The following DMD variants were observed in gnomAD, a reference collection of about 807,000 sequenced individuals.
The protein encoded by DMD is dystrophin, also known as mutant dystrophin.
Under a neutral mutation model 330.1 loss-of-function variants are expected in DMD, and 63 were observed. That is an observed-to-expected ratio of 0.19 (90% CI 0.16 to 0.24). DMD has a LOEUF of 0.24. Among genes scored for constraint, DMD ranks in the 10% least tolerant of loss-of-function variants. The probability of loss-of-function intolerance (pLI) is 1.00; values close to 1 mark genes in which losing one functional copy is unlikely to be tolerated. For synonymous variants in DMD, 1,223 were observed against 959.8 expected (o/e 1.27, Z -5.07); for missense variants, 3,344 against 2,684.1 (o/e 1.25, Z -5.43).
At chrX:33,307,646 G>A (rs961185694) in intron 1 of DMD, among the ~76,000 whole-genome samples, 6 of 111,542 alleles carry the variant, frequency 5.4e-5, no homozygotes, top group African/African-American at 1.6e-4. Context: ...TGAGCCATGC[G>A]CCACTGCACT....
chrX:32,674,702 T>C (rs151235493), intron 9 of DMD, among the ~76,000 whole-genome samples: 1,197 of 111,329 alleles, frequency 0.011, 11 homozygotes, highest in African/African-American at 0.036. Flanking sequence ...TAAAGATATA[T>C]TCTTTACATT....
chrX:32,767,853 T>C (rs2073168840), intron 7 of DMD, among the ~76,000 whole-genome samples: 1 of 111,891 alleles, frequency 8.9e-6, no homozygotes, highest in Non-Finnish European at 1.9e-5. Context: ...TGCTCATCTA[T>C]ATATATACAC....
intron 37 of DMD, among the ~76,000 whole-genome samples, chrX:32,351,757 G>C (rs2097782511): frequency 9.0e-6 from 1 of 110,675 alleles, no homozygotes; most frequent in South Asian, 3.7e-4. Context: ...ATGTAGAAAT[G>C]TCAAAAGACC....
intron 29 of DMD, among the ~76,000 whole-genome samples, chrX:32,421,970 G>A (rs7065395): frequency 0.14 from 15,872 of 110,764 alleles, 936 homozygotes; most frequent in African/African-American, 0.19. Context: ...TGCCCTTTCC[G>A]TGTCATCAAA....
intron 74 of DMD, among the ~76,000 whole-genome samples, chrX:31,156,947 T>C (rs1418668282): frequency 8.9e-6 from 1 of 111,819 alleles, no homozygotes; most frequent in Non-Finnish European, 1.9e-5. Context: ...TTTGGAATTA[T>C]TGTGTATCAT....
At chrX:32,812,158 T>C (rs1451255685) in intron 6 of DMD, among the ~76,000 whole-genome samples, 1 of 110,861 alleles carries the variant, frequency 9.0e-6, no homozygotes, top group Non-Finnish European at 1.9e-5. Flanking sequence ...ATGAAACTTC[T>C]ACTCCTACAA....
chrX:31,204,182 G>T, intron 66 of DMD, 64 bp from the exon 67 acceptor site: 1 of 1,009,871 alleles, frequency 9.9e-7, no homozygotes, highest in South Asian at 2.0e-5. Flanking sequence ...AGCAGAACCT[G>T]ACATCCAACT....
chrX:31,627,602 T>G, intron 55 of DMD, 71 bp downstream of exon 55: 1 of 1,110,859 alleles, frequency 9.0e-7, no homozygotes, highest in Non-Finnish European at 1.2e-6. Context: ...GGCTTGTCAG[T>G]TACAAGTACA....
chrX:31,841,566 A>G (rs1603485823), intron 48 of DMD, among the ~76,000 whole-genome samples: 1 of 112,330 alleles, frequency 8.9e-6, no homozygotes, highest in African/African-American at 3.2e-5. Context: ...TCGAAAGTTC[A>G]AAGGACAGGC....
chrX:31,804,844 T>C (rs970543999), intron 50 of DMD, among the ~76,000 whole-genome samples: 3 of 110,561 alleles, frequency 2.7e-5, no homozygotes, highest in Non-Finnish European at 3.8e-5. Context: ...TTTCCTTTTT[T>C]TTTTTTTTTT....
At chrX:31,951,142 T>C (rs1025645148) in intron 45 of DMD, among the ~76,000 whole-genome samples, 19 of 66,642 alleles carry the variant, frequency 2.9e-4, no homozygotes, top group African/African-American at 1.4e-3. Flanking sequence ...TATATATATG[T>C]GTATATATAT....
chrX:32,093,781 A>C (rs1310208425), intron 44 of DMD, among the ~76,000 whole-genome samples: 1 of 111,383 alleles, frequency 9.0e-6, no homozygotes, highest in Admixed American at 9.6e-5. Context: ...CAGAATTAAT[A>C]ATATGATAAT....
chrX:32,568,925 T>A (rs1395578778), intron 15 of DMD, among the ~76,000 whole-genome samples: 1 of 112,417 alleles, frequency 8.9e-6, no homozygotes, highest in East Asian at 2.8e-4. Flanking sequence ...GATTTGTTAC[T>A]AATTATTGCA....
intron 55 of DMD, among the ~76,000 whole-genome samples, chrX:31,522,433 A>G (rs2072919677): frequency 1.1e-5 from 1 of 94,359 alleles, no homozygotes; most frequent in African/African-American, 4.1e-5. Flanking sequence ...CTTGTGTATC[A>G]AGCTAAGGGT....
intron 48 of DMD, among the ~76,000 whole-genome samples, chrX:31,854,585 G>A (rs920025919): frequency 9.0e-6 from 1 of 111,609 alleles, no homozygotes; most frequent in African/African-American, 3.3e-5. Context: ...AACTTGCCTA[G>A]GGCACAACCT....
intron 60 of DMD, among the ~76,000 whole-genome samples, chrX:31,357,163 T>G (rs1349335364): frequency 2.7e-5 from 3 of 111,588 alleles, no homozygotes; most frequent in Admixed American, 9.6e-5. Flanking sequence ...TGAGCTTTAT[T>G]TATACCACAT....
At chrX:31,370,890 T>C (rs2059527725) in intron 60 of DMD, among the ~76,000 whole-genome samples, 2 of 112,197 alleles carry the variant, frequency 1.8e-5, no homozygotes, top group African/African-American at 6.5e-5. Flanking sequence ...GAGAAATCTC[T>C]AGGGAATTAT....
intron 1 of DMD, among the ~76,000 whole-genome samples, chrX:33,197,153 A>G (rs1339165629): frequency 2.7e-5 from 3 of 111,726 alleles, no homozygotes; most frequent in Non-Finnish European, 5.6e-5. Flanking sequence ...AATTTACAAG[A>G]CTTATCCTCG....
chrX:31,285,237 GAGA>G (rs1400171119), intron 62 of DMD, among the ~76,000 whole-genome samples: 1 of 111,920 alleles, frequency 8.9e-6, no homozygotes, highest in African/African-American at 3.2e-5. Flanking sequence ...AGGGCCATTG[GAGA>G]AGAACAGTTA....
Sources: gnomAD v4.1 joint callset for allele counts (sites outside exome capture counted in the v4.1 genomes callset) on GRCh38, gnomAD v4.1.1 for gene constraint, MANE v1.5 for transcripts, NCBI Gene and HGNC (gene_info 2026-07-23, HGNC 2026-07-21) for gene names.